SCHIP1: variants seen among roughly 807,000 people sequenced by gnomAD.
SCHIP1 encodes schwannomin interacting protein 1, also known as schwannomin-interacting protein 1.
SCHIP1 carries 8 observed loss-of-function variants against 29.7 expected under a neutral mutation model. The ratio of observed to expected loss-of-function variants is 0.27; its 90% CI spans 0.16 to 0.49. The LOEUF is 0.49. Ranked by LOEUF, SCHIP1 falls within the 20% of genes least tolerant of loss-of-function variation. SCHIP1 has a pLI of 0.99. For synonymous variants in SCHIP1, 76 were observed against 94.9 expected, an observed-to-expected ratio of 0.80 and a Z score of 1.16; for missense variants, 193 against 294.6, an observed-to-expected ratio of 0.66 and a Z score of 2.52.
At chr3:159,722,524 A>G in the SCHIP1 span, 1 of 152,372 alleles carries the variant, frequency 6.6e-6, no homozygotes, top group East Asian at 1.9e-4. Context: ...CTAATCAAGG[A>G]TTTAGGTTTC....
the SCHIP1 span, among the ~76,000 whole-genome samples, chr3:159,756,996 A>G: frequency 6.6e-6 from 1 of 152,252 alleles, no homozygotes; most frequent in Non-Finnish European, 1.5e-5. Context: ...ACAAGTCTCT[A>G]GGAAGTTCCA....
At chr3:159,710,806 G>A in the SCHIP1 span, among the ~76,000 whole-genome samples, 1 of 152,104 alleles carries the variant, frequency 6.6e-6, no homozygotes, top group African/African-American at 2.4e-5. Flanking sequence ...ATCTGCTAAA[G>A]AGAAAAACAG....
At chr3:159,674,677 A>T in the SCHIP1 span, among the ~76,000 whole-genome samples, 1 of 151,872 alleles carries the variant, frequency 6.6e-6, no homozygotes, top group Non-Finnish European at 1.5e-5. Flanking sequence ...TAGGATAAGA[A>T]GGGAGGCAAG....
chr3:159,626,380 C>T, the SCHIP1 span, among the ~76,000 whole-genome samples: 2 of 151,450 alleles, frequency 1.3e-5, no homozygotes, highest in African/African-American at 4.9e-5. Context: ...TGGAGTCTAT[C>T]TTCCTTCACC....
At chr3:159,416,847 C>G in the SCHIP1 span, among the ~76,000 whole-genome samples, 2 of 152,172 alleles carry the variant, frequency 1.3e-5, no homozygotes, top group Non-Finnish European at 2.9e-5. Flanking sequence ...ATACCAATAA[C>G]ATACCTGAGG....
At chr3:159,308,530 A>T in the SCHIP1 span, among the ~76,000 whole-genome samples, 10 of 152,238 alleles carry the variant, frequency 6.6e-5, no homozygotes, top group East Asian at 1.5e-3. Flanking sequence ...TGGTAAGACT[A>T]TGGAGAAAAG....
chr3:159,806,641 G>A, the SCHIP1 span, among the ~76,000 whole-genome samples: 1 of 152,218 alleles, frequency 6.6e-6, no homozygotes. Flanking sequence ...CGAGTTCTGG[G>A]GAACAGCAGC....
chr3:159,819,810 AG>A, the SCHIP1 span, among the ~76,000 whole-genome samples: 2 of 152,316 alleles, frequency 1.3e-5, no homozygotes, highest in East Asian at 1.9e-4. Context: ...CAGTAGCCTA[AG>A]GGAAGCCACC....
the SCHIP1 span, among the ~76,000 whole-genome samples, chr3:159,402,899 TG>T: frequency 6.6e-6 from 1 of 152,138 alleles, no homozygotes; most frequent in East Asian, 1.9e-4. Flanking sequence ...ACCTGCATGT[TG>T]TGCACAGGTC....
At chr3:159,603,759 T>G in the SCHIP1 span, among the ~76,000 whole-genome samples, 1 of 152,142 alleles carries the variant, frequency 6.6e-6, no homozygotes, top group African/African-American at 2.4e-5. Flanking sequence ...GATTGGGTAA[T>G]TTATAAAGAA....
At chr3:159,890,493 C>T (rs1193590950) in intron 5 of SCHIP1, among the ~76,000 whole-genome samples, 1 of 152,102 alleles carries the variant, frequency 6.6e-6, no homozygotes, top group African/African-American at 2.4e-5. Context: ...TGGACATATT[C>T]AGTGCCAAGT....
At chr3:159,339,209 T>C in the SCHIP1 span, among the ~76,000 whole-genome samples, 455 of 151,798 alleles carry the variant, frequency 3.0e-3, 3 homozygotes, top group Non-Finnish European at 4.0e-3. Context: ...CTTTGACATG[T>C]TCAAATGATG....
At chr3:159,596,984 A>T in the SCHIP1 span, among the ~76,000 whole-genome samples, 17 of 148,034 alleles carry the variant, frequency 1.1e-4, no homozygotes, top group African/African-American at 4.2e-4. Context: ...AGCATCTTTA[A>T]AAAAAAAAAA....
the SCHIP1 span, among the ~76,000 whole-genome samples, chr3:159,399,125 C>T: frequency 7.9e-5 from 12 of 151,792 alleles, no homozygotes; most frequent in Admixed American, 4.6e-4. Flanking sequence ...GTGGCTGTTT[C>T]GTCTGCTTGG....
the SCHIP1 span, among the ~76,000 whole-genome samples, chr3:159,461,907 A>G: frequency 0.15 from 23,449 of 152,122 alleles, 1,938 homozygotes; most frequent in Non-Finnish European, 0.17. Context: ...AAACATAAAG[A>G]GCAATATAAA....
At chr3:159,775,509 C>G in the SCHIP1 span, among the ~76,000 whole-genome samples, 1 of 152,242 alleles carries the variant, frequency 6.6e-6, no homozygotes, top group Non-Finnish European at 1.5e-5. Context: ...GATCTCCCCA[C>G]TGTGGTCCTC....
chr3:159,732,551 G>GA, the SCHIP1 span, among the ~76,000 whole-genome samples: 1 of 152,136 alleles, frequency 6.6e-6, no homozygotes, highest in African/African-American at 2.4e-5. Context: ...TGAGTTGAAG[G>GA]AAAAAACAAG....
At chr3:159,689,599 T>C in the SCHIP1 span, among the ~76,000 whole-genome samples, 7 of 152,222 alleles carry the variant, frequency 4.6e-5, no homozygotes, top group African/African-American at 1.7e-4. Context: ...TTCTCTCTCT[T>C]GCCTGATTGC....
intron 2 of SCHIP1, among the ~76,000 whole-genome samples, chr3:159,876,616 G>C (rs188509632): frequency 6.6e-6 from 1 of 152,160 alleles, no homozygotes; most frequent in African/African-American, 2.4e-5. Flanking sequence ...CACTAAAAAA[G>C]AAAAACTACT....
Sources: gnomAD v4.1 joint callset for allele counts (sites outside exome capture counted in the v4.1 genomes callset) on GRCh38, gnomAD v4.1.1 for gene constraint, MANE v1.5 for transcripts, NCBI Gene and HGNC (gene_info 2026-07-23, HGNC 2026-07-21) for gene names.